HERC4: variants seen among roughly 807,000 people sequenced by gnomAD.
HERC4 encodes the protein HECT and RLD domain containing E3 ubiquitin protein ligase 4.
Under a neutral mutation model 124.3 loss-of-function variants are expected in HERC4, and 28 were observed. That is an observed-to-expected ratio of 0.23 (90% CI 0.17 to 0.31). The LOEUF (loss-of-function observed/expected upper bound fraction) is 0.31. HERC4 is among the 10% of genes least tolerant of loss of function. HERC4 has a pLI of 1.00. For synonymous variants in HERC4, 407 were observed against 421.5 expected (o/e 0.97, Z 0.42); for missense variants, 713 against 1,229.3 (o/e 0.58, Z 6.28).
intron 4 of HERC4, among the ~76,000 whole-genome samples, chr10:68,040,927 G>T (rs1454565169): frequency 6.7e-6 from 1 of 149,338 alleles, no homozygotes; most frequent in Non-Finnish European, 1.5e-5. Context: ...AAAAGAAAAA[G>T]AAGCCAGAAT....
At chr10:67,923,591 GC>G (rs1444844586) in intron 24 of HERC4, among the ~76,000 whole-genome samples, 1 of 151,290 alleles carries the variant, frequency 6.6e-6, no homozygotes, top group Non-Finnish European at 1.5e-5. Context: ...GACGAGTCTT[GC>G]TCAGTTGCCC....
chr10:67,925,056 A>C, intron 24 of HERC4, 29 bp downstream of exon 24: 2 of 1,203,340 alleles, frequency 1.7e-6, no homozygotes, highest in African/African-American at 1.5e-5. Context: ...CCAGTCTCAT[A>C]AAGTATACAA....
chr10:67,966,941 G>A (rs10430470), intron 15 of HERC4, 139 bp from the exon 16 acceptor site: 45,801 of 506,182 alleles, frequency 0.09, 3,878 homozygotes, highest in East Asian at 0.42. Context: ...TGCAAGCTCT[G>A]CCTCCCGGGT....
intron 8 of HERC4, among the ~76,000 whole-genome samples, chr10:68,021,844 T>A (rs1159127930): frequency 1.3e-5 from 2 of 150,962 alleles, no homozygotes; most frequent in Non-Finnish European, 2.9e-5. Flanking sequence ...TCATTCAAAT[T>A]GGAAAGAAAA....
intron 23 of HERC4, among the ~76,000 whole-genome samples, chr10:67,930,052 C>T (rs984032454): frequency 1.8e-4 from 27 of 151,884 alleles, no homozygotes; most frequent in African/African-American, 6.5e-4. Flanking sequence ...GTGATCTGCC[C>T]GCCTCGGCCT....
intron 19 of HERC4, among the ~76,000 whole-genome samples, chr10:67,952,624 C>A (rs921200929): frequency 6.6e-6 from 1 of 151,404 alleles, no homozygotes; most frequent in East Asian, 2.0e-4. Flanking sequence ...GGAGGCCGGG[C>A]GCGGTGGCTC....
In HERC4 at chr10:68,044,601, C is replaced by T. The variant is rs1400050577; in HGVS notation, c.227-38G>A. On this transcript the variant is annotated intron_variant, in intron 3 of 24. Coordinates refer to ENST00000373700, the MANE Select transcript of HERC4 (RefSeq NM_015601.4). ...AGAAGAGAAATATTGCATTCTAGTA[C>T]AGAAATCAAGGAAAAAGATATTGCA... The T allele has an allele frequency of 1.9e-6, 3 of 1,581,722 alleles. 1 individual carries two copies. Among genetic ancestry groups the T allele is most frequent in the South Asian group, 2.3e-5 (2 of 87,982 alleles).
rs146530990 is a variant in HERC4 at position 68,000,947 on chromosome 10, T to A, written c.1070-8265A>T. On this transcript the variant is annotated intron_variant, in intron 9 of 24. Coordinates refer to ENST00000373700, the MANE Select transcript of HERC4 (RefSeq NM_015601.4). ...TCAAGCCACCGAGTTTGTGGTAGGT[T>A]GTTACAAGCAACTCTAGCAAACTAA... 5.6e-4 allele frequency among the ~76,000 whole-genome samples: 85 copies of A among 152,342 alleles called. 1 individual carries two copies. The East Asian group carries it at 0.016, about 28-fold the overall frequency.
rs184829572 is a variant in HERC4, at chr10:68,005,104, C to G, written c.1069+8922G>C. Among the ~76,000 whole-genome samples, 36 of 152,228 alleles carry G rather than the reference C, an allele frequency of 2.4e-4. No individual in the cohort carries two copies. In the East Asian group the frequency reaches 6.4e-3, roughly 27 times the overall value. On this transcript the variant is annotated intron_variant, in intron 9 of 24. Coordinates refer to ENST00000373700, the MANE Select transcript of HERC4 (RefSeq NM_015601.4). ...ATATATGAATTTATTTCTGAGTTCT[C>G]TGTTCTGTTCCATTGGTCCATGTGT...
intron 16 of HERC4, among the ~76,000 whole-genome samples, chr10:67,957,341 C>G (rs1271091439): frequency 1.3e-5 from 2 of 152,126 alleles, no homozygotes; most frequent in Non-Finnish European, 2.9e-5. Flanking sequence ...GCAACTGCAG[C>G]AACTGAGGCT....
intron 5 of HERC4, 35 bp from the exon 6 acceptor site, chr10:68,034,221 C>G: frequency 6.8e-7 from 1 of 1,461,748 alleles, no homozygotes; most frequent in Non-Finnish European, 9.4e-7. Context: ...AACCATTTTT[C>G]TCACATGCAA....
intron 3 of HERC4, among the ~76,000 whole-genome samples, chr10:68,070,996 T>C (rs1234675011): frequency 1.3e-5 from 2 of 152,238 alleles, no homozygotes; most frequent in African/African-American, 2.4e-5. Context: ...TTCTCTCCAG[T>C]TGTTCATGTA....
At chr10:67,926,595 T>C (rs2031004728) in intron 23 of HERC4, among the ~76,000 whole-genome samples, 2 of 152,138 alleles carry the variant, frequency 1.3e-5, no homozygotes, top group African/African-American at 2.4e-5. Context: ...CTCAGACACA[T>C]CCTTTCTTCT....
At chr10:67,967,104 T>G (rs945449362) in intron 15 of HERC4, among the ~76,000 whole-genome samples, 1 of 152,212 alleles carries the variant, frequency 6.6e-6, no homozygotes, top group Non-Finnish European at 1.5e-5. Flanking sequence ...TCTGTCCACC[T>G]TGGCCTCCCA....
At chr10:68,008,357 G>T (rs2037715594) in intron 9 of HERC4, among the ~76,000 whole-genome samples, 1 of 152,178 alleles carries the variant, frequency 6.6e-6, no homozygotes, top group Admixed American at 6.5e-5. Flanking sequence ...GATAAATCCT[G>T]TCAGGCCTGG....
chr10:68,061,579 C>T lies in HERC4; in HGVS notation c.226+11304G>A, dbSNP rs368624415. Among the ~76,000 whole-genome samples, 8 of 129,916 alleles carry T rather than the reference C, an allele frequency of 6.2e-5. No individual in the cohort carries two copies. The East Asian group carries it at 1.2e-3, about 19-fold the overall frequency. 85.2% of individuals were successfully genotyped at this position (129,916 alleles called of 152,430 possible). A position where few individuals can be genotyped will look rare whatever the true frequency, so the allele number is the denominator to read the frequency against. On this transcript the variant is annotated intron_variant, in intron 3 of 24. Coordinates refer to ENST00000373700, the MANE Select transcript of HERC4 (RefSeq NM_015601.4). Reference sequence around the variant, plus strand: ...AAAAAAAGGAATAGGTTTCTGTCAGCGAAAGAATAAGCAAATGGGCTGGGA... The same window carrying T: ...AAAAAAAGGAATAGGTTTCTGTCAGTGAAAGAATAAGCAAATGGGCTGGGA...
intron 13 of HERC4, 51 bp downstream of exon 13, chr10:67,990,853 G>C: frequency 1.7e-6 from 2 of 1,168,292 alleles, no homozygotes; most frequent in South Asian, 1.7e-5. Context: ...TAAAACAAAA[G>C]AAAACAAAAT....
intron 7 of HERC4, among the ~76,000 whole-genome samples, chr10:68,027,842 G>A (rs1026286516): frequency 2.6e-5 from 4 of 151,788 alleles, no homozygotes; most frequent in Admixed American, 2.0e-4. Flanking sequence ...AGAATCACTT[G>A]AATCCAGGAG....
At chr10:68,069,915 C>A (rs191469207) in intron 3 of HERC4, 1 of 376,404 alleles carries the variant, frequency 2.7e-6, no homozygotes, top group Middle Eastern at 1.4e-3. Flanking sequence ...GGTGGCACGC[C>A]CCTATAGTCC....
Sources: gnomAD v4.1 joint callset for allele counts (sites outside exome capture counted in the v4.1 genomes callset) on GRCh38, gnomAD v4.1.1 for gene constraint, MANE v1.5 for transcripts, NCBI Gene and HGNC (gene_info 2026-07-23, HGNC 2026-07-21) for gene names.